The following NTN1 variants were observed in gnomAD, a reference collection of about 807,000 sequenced individuals.
The protein encoded by NTN1 is netrin 1, also known as netrin-1.
In NTN1, 11 loss-of-function variants were observed where a neutral mutation model predicts 54.2. That is an observed-to-expected ratio of 0.20 (90% CI 0.13 to 0.34). The LOEUF (loss-of-function observed/expected upper bound fraction) is 0.34. Among genes scored for constraint, NTN1 ranks in the 10% least tolerant of loss-of-function variants. The pLI is 1.00. For synonymous variants in NTN1, 371 were observed against 382.0 expected, an observed-to-expected ratio of 0.97 and a Z score of 0.33; for missense variants, 740 against 893.1, an observed-to-expected ratio of 0.83 and a Z score of 2.18.
chr17:9,206,080 T>C (rs536866732), intron 5 of NTN1, among the ~76,000 whole-genome samples: 3 of 152,274 alleles, frequency 2.0e-5, no homozygotes, highest in Non-Finnish European at 4.4e-5. Flanking sequence ...GAGCAGGGTC[T>C]GGGGTGACTT....
At position 9,079,874 on chromosome 17, in the gene NTN1, G is replaced by A. The variant is rs114028730; in HGVS notation, c.1018+56483G>A. Among the ~76,000 whole-genome samples, 1,235 of 151,998 alleles carry A rather than the reference G, an allele frequency of 8.1e-3. 17 individuals carry two copies. The highest frequency in any genetic ancestry group is 0.028 in the African/African-American group (1,159 of 41,448). Reference sequence around the variant, plus strand: ...CCCCCAAGGAGGTGGTTCCCCCTGGGAAGTGGTTCCTCAGCAGGCTTGTTT... The same window carrying A: ...CCCCCAAGGAGGTGGTTCCCCCTGGAAAGTGGTTCCTCAGCAGGCTTGTTT... On this transcript the variant is annotated intron_variant, in intron 2 of 6. Transcript: ENST00000173229.
rs572648918 is a variant in NTN1 at position 9,149,970 on chromosome 17, G to C, written c.1019-12843G>C. ...CAATCCCAGCACTTTGGGAGGTCGA[G>C]GAGGGTGCATCATTTGAGGTCAGGA... On this transcript the variant is annotated intron_variant, in intron 2 of 6. Transcript: ENST00000173229. Among the ~76,000 whole-genome samples, 26 of 152,256 alleles carry C rather than the reference G, an allele frequency of 1.7e-4. No homozygotes were observed. In the South Asian group the frequency reaches 5.4e-3, roughly 32 times the overall value.
At chr17:9,199,302 C>T (rs752079622) in intron 5 of NTN1, among the ~76,000 whole-genome samples, 1 of 152,192 alleles carries the variant, frequency 6.6e-6, no homozygotes, top group Non-Finnish European at 1.5e-5. Flanking sequence ...ACCACCACGC[C>T]CAGCTAATTT....
At chr17:9,082,841 A>T (rs1486750265) in intron 2 of NTN1, among the ~76,000 whole-genome samples, 3 of 152,120 alleles carry the variant, frequency 2.0e-5, no homozygotes, top group African/African-American at 7.2e-5. Context: ...TTAGGTCTAA[A>T]GAATGAATTG....
intron 5 of NTN1, among the ~76,000 whole-genome samples, chr17:9,192,127 G>T (rs1184857975): frequency 6.6e-6 from 1 of 152,126 alleles, no homozygotes; most frequent in Non-Finnish European, 1.5e-5. Flanking sequence ...GGGTAATTTG[G>T]CATTGTGTAT....
chr17:9,033,992 A>G (rs2091895708), intron 2 of NTN1, among the ~76,000 whole-genome samples: 1 of 152,206 alleles, frequency 6.6e-6, no homozygotes, highest in African/African-American at 2.4e-5. Context: ...ATCAGAGAGC[A>G]CAACATTCTA....
At chr17:9,214,939 C>G (rs1477581575) in intron 5 of NTN1, among the ~76,000 whole-genome samples, 2 of 152,116 alleles carry the variant, frequency 1.3e-5, no homozygotes, top group African/African-American at 2.4e-5. Context: ...TTAGTGGTTG[C>G]TCTTCTGTGA....
At chr17:9,229,030 GTGAC>G (rs1317926832) in intron 6 of NTN1, among the ~76,000 whole-genome samples, 1 of 147,418 alleles carries the variant, frequency 6.8e-6, no homozygotes, top group Non-Finnish European at 1.5e-5. Context: ...GTGAGACTGT[GTGAC>G]TGGGTGTGTG....
intron 3 of NTN1, among the ~76,000 whole-genome samples, 153 bp downstream of exon 3, chr17:9,163,154 A>G (rs1390649113): frequency 3.1e-5 from 1 of 32,632 alleles, no homozygotes; most frequent in Non-Finnish European, 5.8e-5. Context: ...TGTGACACAC[A>G]CACACACACA....
intron 2 of NTN1, among the ~76,000 whole-genome samples, chr17:9,077,893 G>A (rs755987582): frequency 2.6e-5 from 4 of 152,268 alleles, no homozygotes; most frequent in Middle Eastern, 3.4e-3. Flanking sequence ...GCTTATGGGG[G>A]TCCTGGGCTC....
At chr17:9,169,302 T>C (rs920388949) in intron 3 of NTN1, among the ~76,000 whole-genome samples, 4 of 152,224 alleles carry the variant, frequency 2.6e-5, no homozygotes, top group African/African-American at 7.2e-5. Context: ...GACAATTCTT[T>C]GTAGCAGTGA....
rs1040497423 is a variant in NTN1, at chr17:9,211,292, C to G, written c.1412-9876C>G. 1.1e-4 allele frequency among the ~76,000 whole-genome samples: 16 copies of G among 152,194 alleles called. No homozygotes were observed. Among genetic ancestry groups the G allele is most frequent in the African/African-American group, 3.9e-4 (16 of 41,454 alleles). ...ATGCTCCTCCCTGCACTTCCTGGGG[C>G]TGATCCCTTGTCATCTGAGTGTCAC... On this transcript the variant is annotated intron_variant, in intron 5 of 6. Coordinates refer to ENST00000173229, the MANE Select transcript of NTN1 (RefSeq NM_004822.3). This position sits in a 1 kb window ranked among gnomAD's most constrained non-coding sequence, Gnocchi z 4.4.
chr17:9,215,241 CTAGA>C (rs973203732), intron 5 of NTN1, among the ~76,000 whole-genome samples: 7 of 123,930 alleles, frequency 5.6e-5, no homozygotes, highest in African/African-American at 1.9e-4. Context: ...ATATACATAG[CTAGA>C]TAGATACACA....
intron 6 of NTN1, among the ~76,000 whole-genome samples, chr17:9,234,150 GC>G (rs1470479352): frequency 1.3e-5 from 2 of 152,216 alleles, no homozygotes; most frequent in Non-Finnish European, 2.9e-5. Flanking sequence ...GAAGGTGTGT[GC>G]CCCTGTAGGC....
chr17:9,193,920 T>TAAAAAAAAAA lies in NTN1; in HGVS notation c.1411+10966_1411+10975dup, dbSNP rs71361871. ...TGGGCGACAAGAGTGAAACTCCGAC[T>TAAAAAAAAAA]AAAAAAAAAAAAAAAAAAAAAAAAC... is the stretch of plus-strand genomic sequence containing the variant. On this transcript the variant is annotated intron_variant, in intron 5 of 6. Transcript: ENST00000173229. 3.6e-4 allele frequency among the ~76,000 whole-genome samples: 16 copies of TAAAAAAAAAA among 44,896 alleles called. 1 individual carries two copies. The highest frequency in any genetic ancestry group is 7.8e-4 in the Admixed American group (3 of 3,842). 29.5% of individuals were successfully genotyped at this position (44,896 alleles called of 152,430 possible). A position where few individuals can be genotyped will look rare whatever the true frequency, so the allele number is the denominator to read the frequency against.
chr17:9,228,982 CTGTG>C (rs1202300234), intron 6 of NTN1, among the ~76,000 whole-genome samples: 3 of 150,208 alleles, frequency 2.0e-5, no homozygotes, highest in East Asian at 2.0e-4. Flanking sequence ...ACGACTGAGA[CTGTG>C]TGTGACTGAT....
intron 2 of NTN1, among the ~76,000 whole-genome samples, chr17:9,104,338 A>G (rs1489592567): frequency 6.6e-6 from 1 of 152,188 alleles, no homozygotes; most frequent in African/African-American, 2.4e-5. Flanking sequence ...TGTATACTTA[A>G]AAATGGTTAA....
At chr17:9,230,547 G>T (rs374620624) in intron 6 of NTN1, among the ~76,000 whole-genome samples, 1 of 152,074 alleles carries the variant, frequency 6.6e-6, no homozygotes. Context: ...CACCAGGTTG[G>T]CCAGGGAAGG....
intron 2 of NTN1, among the ~76,000 whole-genome samples, chr17:9,026,392 G>T (rs184760379): frequency 2.5e-5 from 1 of 40,518 alleles, no homozygotes; most frequent in East Asian, 4.0e-4. Context: ...GATTTCTTCC[G>T]GGGGGGGGGA....
Sources: gnomAD v4.1 joint callset for allele counts (sites outside exome capture counted in the v4.1 genomes callset) on GRCh38, gnomAD v4.1.1 for gene constraint, Gnocchi (gnomAD v3.1) non-coding constraint, MANE v1.5 for transcripts, NCBI Gene and HGNC (gene_info 2026-07-23, HGNC 2026-07-21) for gene names.